The following ADAM8 variants were observed in gnomAD, a reference collection of about 807,000 sequenced individuals.
ADAM8 encodes disintegrin and metalloproteinase domain-containing protein 8.
Under a neutral mutation model 102.4 loss-of-function variants are expected in ADAM8, and 104 were observed. The ratio of observed to expected loss-of-function variants is 1.02; its 90% CI spans 0.87 to 1.20. ADAM8 has a LOEUF of 1.20. Ranked by LOEUF, ADAM8 falls within the 50% of genes most tolerant of loss-of-function variation. The pLI is 0.00. For synonymous variants in ADAM8, 517 were observed against 485.2 expected, an observed-to-expected ratio of 1.07 and a Z score of -0.86; for missense variants, 1,132 against 1,159.0, an observed-to-expected ratio of 0.98 and a Z score of 0.34.
chr10:133,275,840 G>A (rs374930909), intron 1 of ADAM8: 5 of 430,852 alleles, frequency 1.2e-5, no homozygotes, highest in East Asian at 7.7e-5. Flanking sequence ...GGGTGCCAGC[G>A]GGTGCCAGTG....
Position 133,275,531 on chromosome 10 carries a change from A to T in ADAM8, c.103T>A (p.Trp35Arg), listed in dbSNP as rs2275725. The T allele has an allele frequency of 6.6e-7, 1 of 1,522,096 alleles. No homozygotes were observed. The highest frequency in any genetic ancestry group is 8.8e-7 in the Non-Finnish European group (1 of 1,135,944). 94.3% of individuals were successfully genotyped at this position (1,522,096 alleles called of 1,614,324 possible). A position where few individuals can be genotyped will look rare whatever the true frequency, so the allele number is the denominator to read the frequency against. Residue 35 changes from tryptophan to arginine, a missense_variant, in exon 2 of 23, where the codon TGG (tryptophan) becomes AGG (arginine). Trp to Arg is a moderately radical substitution (Grantham distance 101). Coordinates refer to ENST00000445355, the MANE Select transcript of ADAM8 (RefSeq NM_001109.5). ...LMEQYEVVLPWRLPGPRVRRA... is the reference protein window; with the variant it reads ...LMEQYEVVLPRRLPGPRVRRA... ...CGGACTCGGGGGCCTGGCAGACGCCACGGCAACACGACCTCATACTGCTCC... is the reference window on the plus strand; with the variant it reads ...CGGACTCGGGGGCCTGGCAGACGCCTCGGCAACACGACCTCATACTGCTCC...
At chr10:133,274,453 A>C (rs1389811347) in intron 2 of ADAM8, among the ~76,000 whole-genome samples, 1 of 37,590 alleles carries the variant, frequency 2.7e-5, no homozygotes, top group Admixed American at 3.3e-4. Flanking sequence ...GAGGGTGGAG[A>C]GTGGAGGGTG....
rs767434175 is a variant in ADAM8, at chr10:133,263,129, A to G, written c.*27T>C. 1.9e-6 allele frequency: 3 copies of G among 1,613,570 alleles called. No individual in the cohort carries two copies. Among genetic ancestry groups the G allele is most frequent in the East Asian group, 2.2e-5 (1 of 44,890 alleles). On this transcript the variant is annotated 3_prime_UTR_variant, in exon 23 of 23. Coordinates refer to ENST00000445355, the MANE Select transcript of ADAM8 (RefSeq NM_001109.5). ...TGGCTTCTCTGCCGCAACTTCTCCA[A>G]ATTTCCACACAGGCGCAGGTGCCCC...
intron 13 of ADAM8, 39 bp from the exon 14 acceptor site, chr10:133,271,109 C>T: frequency 1.3e-6 from 2 of 1,596,540 alleles, no homozygotes; most frequent in Non-Finnish European, 1.7e-6. Context: ...GGGACAGGTC[C>T]ACGCAAGCTG....
In ADAM8 at chr10:133,263,699, CAGGGTTGG is replaced by C. The variant is rs763017200; in HGVS notation, c.2378_2385del (p.Ala793GlyfsTer4). 233 of 1,509,054 alleles carry C rather than the reference CAGGGTTGG, an allele frequency of 1.5e-4. No individual in the cohort carries two copies. Among genetic ancestry groups the C allele is most frequent in the Non-Finnish European group, 1.8e-4 (206 of 1,124,730 alleles). 93.5% of individuals were successfully genotyped at this position (1,509,054 alleles called of 1,614,324 possible). A position where few individuals can be genotyped will look rare whatever the true frequency, so the allele number is the denominator to read the frequency against. On this transcript the variant is annotated frameshift_variant, in exon 22 of 23. Transcript: ENST00000445355. LOFTEE classifies it low-confidence loss of function (END_TRUNC). Reference sequence around the variant, plus strand: ...TGCTGGGGCCTCACCTCAGCTGGACCAGGGTTGGCCGCACCAGCCCCGGGTTTGACTGG... The same window carrying C: ...TGCTGGGGCCTCACCTCAGCTGGACCCCGCACCAGCCCCGGGTTTGACTGG...
chr10:133,273,704 C>T, intron 5 of ADAM8, 58 bp downstream of exon 5: 1 of 1,513,802 alleles, frequency 6.6e-7, no homozygotes, highest in Non-Finnish European at 8.9e-7. Context: ...ACCCCCACCA[C>T]AGGCTTAGGC....
chr10:133,275,624 G>C, intron 1 of ADAM8, 37 bp from the exon 2 acceptor site: 1 of 1,236,826 alleles, frequency 8.1e-7, no homozygotes, highest in Non-Finnish European at 1.1e-6. Context: ...GAGGGGCCGG[G>C]GGGCAGGTTT....
chr10:133,274,350 G>C, intron 2 of ADAM8, 115 bp from the exon 3 acceptor site: 2 of 919,424 alleles, frequency 2.2e-6, no homozygotes. Context: ...TCCAGCCCCA[G>C]GTCAAGGCTC....
At chr10:133,268,691 G>A in intron 19 of ADAM8, 57 bp downstream of exon 19, 1 of 1,542,094 alleles carries the variant, frequency 6.5e-7, no homozygotes, top group Non-Finnish European at 8.8e-7. Context: ...TCCTTCCTCT[G>A]GCAGCTGAGC....
chr10:133,274,194 T>C lies in ADAM8; in HGVS notation c.192A>G (p.Thr64=), dbSNP rs1427894453. 1.3e-6 allele frequency: 2 copies of C among 1,587,600 alleles called. No homozygotes were observed. Among genetic ancestry groups the C allele is most frequent in the Non-Finnish European group, 1.7e-6 (2 of 1,166,604 alleles). The part of the protein sequence containing the change: ...PERVSYVLGA[T]GHNFTLHLRK... ...GCAGGTGGAGGGTGAAGTTGTGCCCTGTGGCCCCAAGGACGTAGCTCACCC... is the reference window on the plus strand; with the variant it reads ...GCAGGTGGAGGGTGAAGTTGTGCCCCGTGGCCCCAAGGACGTAGCTCACCC... Residue 64 remains threonine, a synonymous_variant, in exon 3 of 23, where the codon ACA becomes ACG. Coordinates refer to ENST00000445355, the MANE Select transcript of ADAM8 (RefSeq NM_001109.5).
Position 133,271,220 on chromosome 10 carries a change from T to C in ADAM8, c.1354A>G (p.Thr452Ala), listed in dbSNP as rs761835439. 48 of 1,611,712 alleles carry C rather than the reference T, an allele frequency of 3.0e-5. No homozygotes were observed. In the South Asian group the frequency reaches 4.4e-4, roughly 15 times the overall value. Reference protein sequence around the residue: ...LAEGAQCAHGTCCQECKVKPA... With the variant: ...LAEGAQCAHGACCQECKVKPA... Reference sequence around the variant, plus strand: ...CTCACCTTGCACTCCTGGCAGCAGGTACCGTGCGCACACTGGGCCCCCTCA... The same window carrying C: ...CTCACCTTGCACTCCTGGCAGCAGGCACCGTGCGCACACTGGGCCCCCTCA... The change falls in exon 13 of 23, where the codon ACC becomes GCC. Residue 452 changes from threonine to alanine, a missense_variant. Transcript: ENST00000445355.
At position 133,269,220 on chromosome 10, in the gene ADAM8, G is replaced by A. The variant is rs143558035; in HGVS notation, c.1948+225C>T. 359 of 978,918 alleles carry A rather than the reference G, an allele frequency of 3.7e-4. 1 individual carries two copies. In the African/African-American group the frequency reaches 6.0e-3, roughly 16 times the overall value. 60.6% of individuals were successfully genotyped at this position (978,918 alleles called of 1,614,324 possible). ...GACACTGGAGTCTCAGCTCACGGCC[G>A]TGCCCTGCCCTCGGCCACTGCCTCC... On this transcript the variant is annotated intron_variant, in intron 18 of 22. Transcript: ENST00000445355.
Position 133,270,431 on chromosome 10 carries a change from G to T in ADAM8, c.1714C>A (p.His572Asn). ...GTGCCATCCTCTGTGGTGAGCGCGT[G>T]GCACACATCCACGATGCAGATGGCA... ...GRAICIVDVC[H>N]ALTTEDGTAY... Residue 572 changes from histidine (H) to asparagine (N), a missense_variant, in exon 16 of 23, where the codon CAC becomes AAC. Coordinates refer to ENST00000445355, the MANE Select transcript of ADAM8 (RefSeq NM_001109.5). 1.9e-6 allele frequency: 3 copies of T among 1,606,748 alleles called. No individual in the cohort carries two copies. Among genetic ancestry groups the T allele is most frequent in the Non-Finnish European group, 2.6e-6 (3 of 1,175,096 alleles).
intron 2 of ADAM8, chr10:133,274,765 C>T (rs1385655025): frequency 8.2e-6 from 3 of 364,726 alleles, no homozygotes; most frequent in Non-Finnish European, 1.7e-5. Flanking sequence ...TGCCTGCCTC[C>T]AGGACCCATC....
chr10:133,272,198 T>C lies in ADAM8; in HGVS notation c.952A>G (p.Asn318Asp), dbSNP rs1846553373. The C allele has an allele frequency of 1.9e-6, 3 of 1,549,780 alleles. No homozygotes were observed. Among genetic ancestry groups the C allele is most frequent in the Non-Finnish European group, 2.6e-6 (3 of 1,146,736 alleles). ...AMCSHSSGAV[N>D]QDHSKNPVGV... ...CCGGGCAGGAGCCCCCTCACCTGGT[T>C]CACAGCCCCTGAGCTGTGGGAGCAC... Residue 318 changes from asparagine (N) to aspartate (D), a missense_variant, in exon 10 of 23, where the codon AAC becomes GAC. Coordinates refer to ENST00000445355, the MANE Select transcript of ADAM8 (RefSeq NM_001109.5).
Position 133,270,923 on chromosome 10 carries a change from A to C in ADAM8, c.1522T>G (p.Cys508Gly). ...TGGCACTGCTGGGCCAGTGTGGGAC[A>C]GGCCCCGTTGTAGCAGTAGCCCCCG... Reference protein sequence around the residue: ...CSGGYCYNGACPTLAQQCQAF... With the variant: ...CSGGYCYNGAGPTLAQQCQAF... The change falls in exon 14 of 23, where the codon TGT (cysteine) becomes GGT (glycine). Residue 508 changes from cysteine to glycine, a missense_variant. By Grantham distance (159) the Cys-to-Gly change is radical. Coordinates refer to ENST00000445355, the MANE Select transcript of ADAM8 (RefSeq NM_001109.5). The C allele has an allele frequency of 6.2e-7, 1 of 1,612,652 alleles. No homozygotes were observed. Among genetic ancestry groups the C allele is most frequent in the Non-Finnish European group, 8.5e-7 (1 of 1,179,886 alleles).
At chr10:133,265,176 C>T (rs905421723) in intron 21 of ADAM8, among the ~76,000 whole-genome samples, 1 of 143,346 alleles carries the variant, frequency 7.0e-6, no homozygotes. Flanking sequence ...CCCCATCTAC[C>T]TCCACGCCCA....
rs1846581865 is a variant in ADAM8 at position 133,272,686 on chromosome 10, C to T, written c.706-101G>A. 5 of 1,535,792 alleles carry T rather than the reference C, an allele frequency of 3.3e-6. No homozygotes were observed. The South Asian group carries it at 6.1e-5, about 19-fold the overall frequency. On this transcript the variant is annotated intron_variant, in intron 8 of 22. Coordinates refer to ENST00000445355, the MANE Select transcript of ADAM8 (RefSeq NM_001109.5). ...GCACCTGTCCCACGGCGAGGTGGGG[C>T]CAGGCACAGGTGCGGGGCAGAGCTG...
intron 16 of ADAM8, 48 bp from the exon 17 acceptor site, chr10:133,270,022 C>T (rs372054642): frequency 3.8e-5 from 61 of 1,587,664 alleles, no homozygotes; most frequent in African/African-American, 3.1e-4. Context: ...ACCTCTGCCC[C>T]GCCAGCGTCC....
Sources: allele counts gnomAD v4.1 joint callset (sites outside exome capture counted in the v4.1 genomes callset), GRCh38; gene constraint gnomAD v4.1.1; transcripts MANE v1.5; gene names NCBI Gene and HGNC (gene_info 2026-07-23, HGNC 2026-07-21).